GRIA4: variants seen among roughly 807,000 people sequenced by gnomAD.
GRIA4 encodes the protein glutamate ionotropic receptor AMPA type subunit 4.
In GRIA4, 34 loss-of-function variants were observed where a neutral mutation model predicts 104.0. The ratio of observed to expected loss-of-function variants is 0.33; its 90% confidence interval spans 0.25 to 0.44. The LOEUF (loss-of-function observed/expected upper bound fraction) is 0.44. Ranked by LOEUF, GRIA4 falls within the 20% of genes least tolerant of loss-of-function variation. GRIA4 has a pLI of 1.00. For synonymous variants in GRIA4, 386 were observed against 381.9 expected, an observed-to-expected ratio of 1.01 and a Z score of -0.13; for missense variants, 750 against 1,096.5, an observed-to-expected ratio of 0.68 and a Z score of 4.46.
At chr11:105,778,287 T>G (rs1941542395) in intron 4 of GRIA4, among the ~76,000 whole-genome samples, 1 of 152,218 alleles carries the variant, frequency 6.6e-6, no homozygotes, top group Non-Finnish European at 1.5e-5. Context: ...AATACAGGGA[T>G]TCAGTTAATG....
intron 14 of GRIA4, among the ~76,000 whole-genome samples, chr11:105,946,494 G>A (rs899458966): frequency 6.6e-6 from 1 of 152,128 alleles, no homozygotes; most frequent in Non-Finnish European, 1.5e-5. Context: ...GCTGAGGTGG[G>A]AGGATTGCTC....
chr11:105,832,946 T>C (rs573871148), intron 4 of GRIA4, among the ~76,000 whole-genome samples: 5 of 152,206 alleles, frequency 3.3e-5, no homozygotes, highest in African/African-American at 9.6e-5. Context: ...AAATTTAACA[T>C]GCTTTTTTAT....
At chr11:105,658,696 T>A (rs570532240) in intron 3 of GRIA4, among the ~76,000 whole-genome samples, 4 of 152,044 alleles carry the variant, frequency 2.6e-5, no homozygotes, top group African/African-American at 9.6e-5. Flanking sequence ...AGAAGAAATG[T>A]ATAGGGATAT....
chr11:105,967,244 T>C (rs1405505950), intron 14 of GRIA4, among the ~76,000 whole-genome samples: 1 of 152,210 alleles, frequency 6.6e-6, no homozygotes, highest in Non-Finnish European at 1.5e-5. Context: ...TCCACAAATA[T>C]AAATAATGAA....
chr11:105,726,897 C>T (rs922221992), intron 3 of GRIA4, among the ~76,000 whole-genome samples: 1 of 151,792 alleles, frequency 6.6e-6, no homozygotes, highest in Non-Finnish European at 1.5e-5. Context: ...ACAGCAAAGA[C>T]CAAAGGTAGA....
chr11:105,799,755 T>C (rs1942636499), intron 4 of GRIA4, among the ~76,000 whole-genome samples: 1 of 152,046 alleles, frequency 6.6e-6, no homozygotes, highest in Non-Finnish European at 1.5e-5. Context: ...AAATCAAAGA[T>C]GTAGAAAAGT....
At chr11:105,736,774 A>T (rs1361887032) in intron 3 of GRIA4, among the ~76,000 whole-genome samples, 1 of 152,138 alleles carries the variant, frequency 6.6e-6, no homozygotes, top group South Asian at 2.1e-4. Flanking sequence ...CTATTCTAAC[A>T]TATGTTATTA....
intron 3 of GRIA4, among the ~76,000 whole-genome samples, chr11:105,703,573 A>G (rs1953583473): frequency 6.6e-6 from 1 of 152,236 alleles, no homozygotes; most frequent in Non-Finnish European, 1.5e-5. Context: ...ATATAAGCCA[A>G]CAAATAAATA....
chr11:105,879,420 T>A (rs1555035868), intron 5 of GRIA4, among the ~76,000 whole-genome samples: 1 of 152,246 alleles, frequency 6.6e-6, no homozygotes, highest in Non-Finnish European at 1.5e-5. Flanking sequence ...CCTATTGGAC[T>A]GAGTTGTATT....
intron 3 of GRIA4, among the ~76,000 whole-genome samples, chr11:105,685,369 A>G (rs1340663097): frequency 6.6e-6 from 1 of 152,216 alleles, no homozygotes; most frequent in Non-Finnish European, 1.5e-5. Context: ...AAGTGATTTC[A>G]TGTCCACACT....
rs143570637 is a variant in GRIA4, at chr11:105,830,970, G to GCACA, written c.488-31037_488-31034dup. 1.2e-3 allele frequency among the ~76,000 whole-genome samples: 175 copies of GCACA among 148,740 alleles called. 1 individual carries two copies. The highest frequency in any genetic ancestry group is 4.1e-3 in the African/African-American group (165 of 40,624). ...TAAGAGAGGTGAATTATACACACAC[G>GCACA]CACACACACACACACACACATTTTT... On this transcript the variant is annotated intron_variant, in intron 4 of 16. Transcript: ENST00000282499.
At chr11:105,612,537 T>A (rs1950507183) in intron 3 of GRIA4, 103 bp downstream of exon 3, 2 of 868,366 alleles carry the variant, frequency 2.3e-6, no homozygotes, top group Middle Eastern at 2.4e-4. Context: ...AATTTCAAGA[T>A]TCCCACAGTT....
intron 3 of GRIA4, among the ~76,000 whole-genome samples, chr11:105,620,570 C>T (rs1202507990): frequency 1.3e-5 from 2 of 151,752 alleles, no homozygotes; most frequent in Non-Finnish European, 2.9e-5. Flanking sequence ...CTTAAAGTTA[C>T]CTCTGTCACA....
intron 4 of GRIA4, among the ~76,000 whole-genome samples, chr11:105,860,332 A>G (rs1945173728): frequency 6.6e-6 from 1 of 152,178 alleles, no homozygotes; most frequent in South Asian, 2.1e-4. Context: ...AAAATCTCTG[A>G]ATCTATGAGA....
At chr11:105,939,897 G>A (rs141082401) in intron 14 of GRIA4, among the ~76,000 whole-genome samples, 1 of 152,090 alleles carries the variant, frequency 6.6e-6, no homozygotes, top group Non-Finnish European at 1.5e-5. Context: ...CTCAGCACAG[G>A]CTGAGCAGAA....
At chr11:105,645,685 A>G (rs562231260) in intron 3 of GRIA4, among the ~76,000 whole-genome samples, 1 of 152,208 alleles carries the variant, frequency 6.6e-6, no homozygotes, top group Non-Finnish European at 1.5e-5. Context: ...GTCAATGAAT[A>G]AAAGAAAAGG....
chr11:105,867,745 A>C (rs1945477975), intron 5 of GRIA4, among the ~76,000 whole-genome samples: 1 of 152,234 alleles, frequency 6.6e-6, no homozygotes, highest in Non-Finnish European at 1.5e-5. Context: ...AAGAAGCACA[A>C]TAAGAAGAGG....
At chr11:105,829,224 G>A (rs1943884741) in intron 4 of GRIA4, among the ~76,000 whole-genome samples, 1 of 151,966 alleles carries the variant, frequency 6.6e-6, no homozygotes, top group Non-Finnish European at 1.5e-5. Flanking sequence ...CAGTAAGGCA[G>A]AGAGCCTTGA....
Position 105,862,112 on chromosome 11 carries a change from C to A in GRIA4, c.576C>A (p.Val192=). 6.2e-7 allele frequency: 1 copy of A among 1,607,398 alleles called. No homozygotes were observed. The highest frequency in any genetic ancestry group is 8.5e-7 in the Non-Finnish European group (1 of 1,174,088). The change falls in exon 5 of 17, where the codon GTC becomes GTA. Residue 192 remains valine, a synonymous_variant. Coordinates refer to ENST00000282499, the MANE Select transcript of GRIA4 (RefSeq NM_000829.4). The part of the protein sequence containing the change: ...SAICVENFND[V]SYRQLLEELD... Reference sequence around the variant, plus strand: ...TATGTGTGGAAAATTTTAATGATGTCAGCTATAGGCAACTTCTAGAAGAAC... The same window carrying A: ...TATGTGTGGAAAATTTTAATGATGTAAGCTATAGGCAACTTCTAGAAGAAC...
Sources: allele counts gnomAD v4.1 joint callset (sites outside exome capture counted in the v4.1 genomes callset), GRCh38; gene constraint gnomAD v4.1.1; transcripts MANE v1.5; gene names NCBI Gene and HGNC (gene_info 2026-07-23, HGNC 2026-07-21).